Variants in AP1AR observed in about 807,000 individuals in gnomAD.
The protein encoded by AP1AR is AP-1 complex-associated regulatory protein.
Under a neutral mutation model 46.3 loss-of-function variants are expected in AP1AR, and 29 were observed. The observed-to-expected ratio is 0.63, with a 90% CI of 0.47 to 0.85. The LOEUF (loss-of-function observed/expected upper bound fraction) is 0.85, where lower values mean the gene tolerates loss of function less well. Ranked by LOEUF, AP1AR falls within the 40% of genes least tolerant of loss-of-function variation. The pLI, the probability that AP1AR is intolerant of heterozygous loss-of-function variation, is 0.00. For synonymous variants in AP1AR, 122 were observed against 122.9 expected (o/e 0.99, Z 0.05); for missense variants, 357 against 356.3 (o/e 1.00, Z -0.02).
At position 112,265,013 on chromosome 4, in the gene AP1AR, A is replaced by G. The variant is rs1726615973; in HGVS notation, c.386A>G (p.Glu129Gly). The change falls in exon 7 of 10, where the codon GAA becomes GGA. Residue 129 changes from glutamate to glycine, a missense_variant. Physicochemically the swap from Glu to Gly is moderately conservative, Grantham distance 98. Around this residue, in one of 2 missense-constraint regions of AP1AR, gnomAD observed 269 missense variants for 223.6 expected, o/e 1.20. Transcript: ENST00000274000. Reference sequence around the variant, plus strand: ...TATTACATTATGTTTCCAAAGCAAGAAAGGCAGAGAATTGTGCAGCAATAT... The same window carrying G: ...TATTACATTATGTTTCCAAAGCAAGGAAGGCAGAGAATTGTGCAGCAATAT... Reference protein sequence around the residue: ...AAKQRKLLEQERQRIVQQYHP... With the variant: ...AAKQRKLLEQGRQRIVQQYHP... 1 of 1,599,890 alleles carries G rather than the reference A, an allele frequency of 6.3e-7. No individual in the cohort carries two copies. The highest frequency in any genetic ancestry group is 1.3e-5 in the African/African-American group (1 of 74,352).
chr4:112,253,261 G>C lies in AP1AR; in HGVS notation c.132+5G>C. ...GGTGAGCACTTAACAATAGAGGTAA[G>C]TAGTCCTTAATTTGATTGAATTAAA... On this transcript the variant is annotated splice_donor_5th_base_variant and intron_variant, in intron 2 of 9. Coordinates refer to ENST00000274000, the MANE Select transcript of AP1AR (RefSeq NM_018569.6). 2 of 1,607,096 alleles carry C rather than the reference G, an allele frequency of 1.2e-6. No homozygotes were observed. Among genetic ancestry groups the C allele is most frequent in the Non-Finnish European group, 8.5e-7 (1 of 1,176,038 alleles).
At chr4:112,234,603 A>G (rs1347641537) in intron 1 of AP1AR, among the ~76,000 whole-genome samples, 2 of 151,606 alleles carry the variant, frequency 1.3e-5, no homozygotes, top group African/African-American at 4.8e-5. Flanking sequence ...TCCAGTAAGC[A>G]TGTAGAGACA....
At chr4:112,233,167 A>G (rs1189550091) in intron 1 of AP1AR, among the ~76,000 whole-genome samples, 1 of 152,182 alleles carries the variant, frequency 6.6e-6, no homozygotes, top group African/African-American at 2.4e-5. Context: ...TTATTGGGTA[A>G]TAAGATGTTC....
chr4:112,266,806 A>G lies in AP1AR; in HGVS notation c.643+90A>G, dbSNP rs1256052282. 4 of 1,290,994 alleles carry G rather than the reference A, an allele frequency of 3.1e-6. No individual in the cohort carries two copies. The East Asian group carries it at 1.1e-4, about 34-fold the overall frequency. 80.0% of individuals were successfully genotyped at this position (1,290,994 alleles called of 1,614,324 possible). On this transcript the variant is annotated intron_variant, in intron 9 of 9. Transcript: ENST00000274000. ...TACCTTGGTCTTTATTTAAATGGAAATAAATTCAAGGCCTTGAAAAATCAT... is the reference window on the plus strand; with the variant it reads ...TACCTTGGTCTTTATTTAAATGGAAGTAAATTCAAGGCCTTGAAAAATCAT...
intron 7 of AP1AR, among the ~76,000 whole-genome samples, 177 bp from the exon 8 acceptor site, chr4:112,265,557 G>A (rs1293732335): frequency 6.6e-6 from 1 of 151,842 alleles, no homozygotes; most frequent in Non-Finnish European, 1.5e-5. Flanking sequence ...CTTATTTTCA[G>A]TTTCATTTTA....
chr4:112,262,404 G>T (rs561384685), intron 5 of AP1AR, among the ~76,000 whole-genome samples: 1 of 152,310 alleles, frequency 6.6e-6, no homozygotes, highest in East Asian at 1.9e-4. Context: ...AAAAATTTGT[G>T]TTGAAATTTG....
chr4:112,260,988 T>A (rs1036945143), intron 5 of AP1AR, 126 bp downstream of exon 5: 8 of 502,344 alleles, frequency 1.6e-5, no homozygotes, highest in Non-Finnish European at 2.3e-5. Flanking sequence ...TTTTAAGAGT[T>A]AAAAAAAATC....
chr4:112,273,094 A>G lies in AP1AR; in HGVS notation c.*4685A>G, dbSNP rs929340467. 3 of 152,176 alleles carry G rather than the reference A, an allele frequency of 2.0e-5. No individual in the cohort carries two copies. The highest frequency in any genetic ancestry group is 4.4e-5 in the Non-Finnish European group (3 of 68,032). The allele number at this position is 152,176 out of a possible 1,614,324, so 9.4% of individuals were successfully genotyped here. On this transcript the variant is annotated 3_prime_UTR_variant, in exon 10 of 10. Transcript: ENST00000274000. ...AAACAACAACAACAATAACAATAAA[A>G]ATGGAGAGAAACAGAATCCCTGCAT...
At chr4:112,257,070 A>G (rs1157193418) in intron 3 of AP1AR, among the ~76,000 whole-genome samples, 2 of 152,214 alleles carry the variant, frequency 1.3e-5, no homozygotes, top group African/African-American at 2.4e-5. Context: ...TATTTTCCCC[A>G]TAACACACAT....
intron 4 of AP1AR, among the ~76,000 whole-genome samples, chr4:112,259,023 A>G (rs540299596): frequency 5.3e-5 from 8 of 152,262 alleles, no homozygotes; most frequent in Admixed American, 3.9e-4. Flanking sequence ...GACTAGGCGG[A>G]CACTAGAAGA....
At chr4:112,259,651 C>G (rs187934808) in intron 4 of AP1AR, among the ~76,000 whole-genome samples, 2 of 152,198 alleles carry the variant, frequency 1.3e-5, no homozygotes, top group African/African-American at 4.8e-5. Flanking sequence ...TCCTTCCTTC[C>G]TTCACATGGA....
intron 5 of AP1AR, among the ~76,000 whole-genome samples, chr4:112,262,229 G>A (rs1409617864): frequency 5.3e-5 from 8 of 152,042 alleles, no homozygotes; most frequent in African/African-American, 1.4e-4. Flanking sequence ...TGGGAGAATG[G>A]TTTGAGCCCA....
At position 112,232,118 on chromosome 4, in the gene AP1AR, C is replaced by G. The variant is rs755973607; in HGVS notation, c.27C>G (p.Cys9Trp). 1.5e-6 allele frequency: 2 copies of G among 1,300,968 alleles called. No individual in the cohort carries two copies. The highest frequency in any genetic ancestry group is 9.8e-7 in the Non-Finnish European group (1 of 1,016,372). 80.6% of individuals were successfully genotyped at this position (1,300,968 alleles called of 1,614,324 possible). A position where few individuals can be genotyped will look rare whatever the true frequency, so the allele number is the denominator to read the frequency against. ...TGGGGAACTGCTGCTGGACGCAGTG[C>G]TTCGGACTGCTTCGCAAGGAAGCGG... Reference protein sequence around the residue: MGNCCWTQCFGLLRKEAGR... With the variant: MGNCCWTQWFGLLRKEAGR... Residue 9 changes from cysteine (C) to tryptophan (W), a missense_variant, in exon 1 of 10, where the codon TGC becomes TGG. Cys to Trp is a radical substitution (Grantham distance 215). This residue lies in a region of AP1AR where 269 missense variants were observed against 223.6 expected (regional missense o/e 1.20). Coordinates refer to ENST00000274000, the MANE Select transcript of AP1AR (RefSeq NM_018569.6).
In AP1AR at chr4:112,265,030, C is replaced by A; in HGVS notation, c.403C>A (p.Gln135Lys). 1 of 1,602,192 alleles carries A rather than the reference C, an allele frequency of 6.2e-7. No individual in the cohort carries two copies. Among genetic ancestry groups the A allele is most frequent in the African/African-American group, 1.3e-5 (1 of 74,536 alleles). ...AAAGCAAGAAAGGCAGAGAATTGTG[C>A]AGCAATATCATCCTTCCAACAATGG... ...LLEQERQRIVQQYHPSNNGEY... is the reference protein window; with the variant it reads ...LLEQERQRIVKQYHPSNNGEY... The change falls in exon 7 of 10, where the codon CAG (glutamine) becomes AAG (lysine). Residue 135 changes from glutamine (Q) to lysine (K), a missense_variant. Physicochemically the swap from Gln to Lys is moderately conservative, Grantham distance 53 (BLOSUM62 1). Transcript: ENST00000274000.
chr4:112,266,175 C>T (rs891695783), intron 8 of AP1AR, among the ~76,000 whole-genome samples: 2 of 151,718 alleles, frequency 1.3e-5, no homozygotes, highest in Non-Finnish European at 3.0e-5. Flanking sequence ...AATATTTCCT[C>T]AGGTTTCAAA....
chr4:112,233,934 C>T (rs1462660212), intron 1 of AP1AR, among the ~76,000 whole-genome samples: 1 of 152,254 alleles, frequency 6.6e-6, no homozygotes, highest in Non-Finnish European at 1.5e-5. Flanking sequence ...TCTCGGCTCA[C>T]TGCAACCTTC....
chr4:112,247,732 C>T (rs1199502426), intron 1 of AP1AR, among the ~76,000 whole-genome samples: 1 of 152,188 alleles, frequency 6.6e-6, no homozygotes, highest in Non-Finnish European at 1.5e-5. Context: ...CCTCTTAAAA[C>T]ATATGTCAGC....
At chr4:112,248,512 AAAAAT>A (rs1333334884) in intron 1 of AP1AR, among the ~76,000 whole-genome samples, 1 of 152,228 alleles carries the variant, frequency 6.6e-6, no homozygotes, top group African/African-American at 2.4e-5. Context: ...AATACCAACA[AAAAAT>A]AAAACAAAAA....
At chr4:112,254,649 G>A in intron 2 of AP1AR, 98 bp from the exon 3 acceptor site, 2 of 658,288 alleles carry the variant, frequency 3.0e-6, no homozygotes, top group African/African-American at 1.9e-5. Flanking sequence ...CAAATATAAA[G>A]GTATATTATT....
Sources: allele counts gnomAD v4.1 joint callset (sites outside exome capture counted in the v4.1 genomes callset), GRCh38; gene constraint gnomAD v4.1.1; regional missense constraint gnomAD v4.1.1; transcripts MANE v1.5; gene names NCBI Gene and HGNC (gene_info 2026-07-23, HGNC 2026-07-21).